The following TBCE variants were observed in gnomAD, a reference collection of about 807,000 sequenced individuals.
The protein encoded by TBCE is tubulin folding cofactor E, also known as tubulin-specific chaperone E.
In TBCE, 53 loss-of-function variants were observed where a neutral mutation model predicts 77.0. That is an observed-to-expected ratio of 0.69 (90% CI 0.55 to 0.87). TBCE has a LOEUF of 0.87. Among genes scored for constraint, TBCE ranks in the 40% least tolerant of loss-of-function variants. The pLI is 0.00. For missense variants in TBCE, 624 were observed against 622.4 expected (o/e 1.00, Z -0.03); for synonymous variants, 235 against 241.3 (o/e 0.97, Z 0.24).
intron 16 of TBCE, 22 bp downstream of exon 16, chr1:235,448,462 A>C: frequency 1.2e-6 from 2 of 1,605,706 alleles, no homozygotes; most frequent in Non-Finnish European, 1.7e-6. Context: ...AGCAAAATAC[A>C]AAGTCAAAGT....
chr1:235,386,082 G>C (rs1047180526), intron 2 of TBCE, among the ~76,000 whole-genome samples: 2 of 152,134 alleles, frequency 1.3e-5, no homozygotes, highest in African/African-American at 2.4e-5. Context: ...ATGAAGCTTA[G>C]TTTGGCTGGA....
At chr1:235,387,452 C>G (rs1020619809) in intron 2 of TBCE, among the ~76,000 whole-genome samples, 2 of 152,196 alleles carry the variant, frequency 1.3e-5, no homozygotes, top group Non-Finnish European at 2.9e-5. Flanking sequence ...TGGGCTCCAC[C>G]CAGTTCGAGC....
At chr1:235,369,356 A>C (rs1187184539) in intron 1 of TBCE, among the ~76,000 whole-genome samples, 1 of 151,424 alleles carries the variant, frequency 6.6e-6, no homozygotes, top group South Asian at 2.1e-4. Flanking sequence ...AAAATACAAA[A>C]ATTAGCCGGG....
intron 2 of TBCE, among the ~76,000 whole-genome samples, chr1:235,380,615 A>G (rs1361208910): frequency 4.6e-5 from 7 of 151,736 alleles, no homozygotes; most frequent in Non-Finnish European, 1.5e-5. Flanking sequence ...CTACAGCATT[A>G]TTTTGCAATA....
At chr1:235,412,287 A>G (rs1049794266) in intron 3 of TBCE, among the ~76,000 whole-genome samples, 3 of 82,704 alleles carry the variant, frequency 3.6e-5, no homozygotes, top group African/African-American at 1.4e-4. Flanking sequence ...CTAGAGTGCA[A>G]TGATGTGATC....
At chr1:235,426,027 G>A (rs1371095647) in intron 5 of TBCE, among the ~76,000 whole-genome samples, 1 of 152,182 alleles carries the variant, frequency 6.6e-6, no homozygotes, top group Non-Finnish European at 1.5e-5. Context: ...TGCTCACTGC[G>A]ATGCTCCTGG....
intron 2 of TBCE, among the ~76,000 whole-genome samples, chr1:235,383,896 G>A (rs1677834417): frequency 6.6e-6 from 1 of 152,050 alleles, no homozygotes; most frequent in Non-Finnish European, 1.5e-5. Flanking sequence ...TCTTGTGCCA[G>A]TTTTCAAAGG....
At chr1:235,432,997 G>T (rs768605241) in intron 7 of TBCE, 5 of 1,507,684 alleles carry the variant, frequency 3.3e-6, no homozygotes, top group Non-Finnish European at 3.5e-6. Flanking sequence ...GCAGAAAGAC[G>T]CCAGCAAGTT....
At position 235,451,585 on chromosome 1, in the gene TBCE, C is replaced by T. The variant is rs547816069; in HGVS notation, c.*2823C>T. The T allele has an allele frequency of 6.6e-6, 1 of 151,768 alleles. No individual in the cohort carries two copies. Among genetic ancestry groups the T allele is most frequent in the Admixed American group, 6.6e-5 (1 of 15,222 alleles). The allele number at this position is 151,768 out of a possible 1,614,324, so 9.4% of individuals were successfully genotyped here. On this transcript the variant is annotated 3_prime_UTR_variant, in exon 17 of 17. Transcript: ENST00000642610. ...GCAAAGACTACAGATCCCAGAATTA[C>T]CAGATACAAAAAAGAATTATATTCA... is the stretch of plus-strand genomic sequence containing the variant.
rs189360221 is a variant in TBCE at position 235,372,066 on chromosome 1, C to T, written c.-32+4562C>T. On this transcript the variant is annotated intron_variant, in intron 1 of 16. Coordinates refer to ENST00000642610, the MANE Select transcript of TBCE (RefSeq NM_003193.5). ...GTGTGATCAGGGCTCACTGCAGCCT[C>T]GAACTCCTGGGCTCAGGTCATCCTC... 2.5e-3 allele frequency among the ~76,000 whole-genome samples: 382 copies of T among 152,212 alleles called. 2 individuals carry two copies. The Middle Eastern group carries it at 0.027, about 11-fold the overall frequency.
Position 235,450,238 on chromosome 1 carries a change from A to G in TBCE, c.*1476A>G. On this transcript the variant is annotated 3_prime_UTR_variant, in exon 17 of 17. Coordinates refer to ENST00000642610, the MANE Select transcript of TBCE (RefSeq NM_003193.5). ...GCTTGACATCGACAAGGATCACCGCACCGTTCCTTCAGTTTCCACAGTTCC... is the reference window on the plus strand; with the variant it reads ...GCTTGACATCGACAAGGATCACCGCGCCGTTCCTTCAGTTTCCACAGTTCC... 5 of 1,614,044 alleles carry G rather than the reference A, an allele frequency of 3.1e-6. No homozygotes were observed. The highest frequency in any genetic ancestry group is 4.2e-6 in the Non-Finnish European group (5 of 1,179,980).
At chr1:235,404,404 A>G (rs1176289357) in intron 3 of TBCE, among the ~76,000 whole-genome samples, 1 of 152,046 alleles carries the variant, frequency 6.6e-6, no homozygotes, top group African/African-American at 2.4e-5. Flanking sequence ...CCTAGGCAAC[A>G]CAATGAGATC....
intron 3 of TBCE, among the ~76,000 whole-genome samples, chr1:235,407,756 C>T (rs914153941): frequency 2.6e-5 from 4 of 152,166 alleles, no homozygotes; most frequent in Admixed American, 1.3e-4. Context: ...GCCAGTCACC[C>T]GTGTCCTTCC....
At chr1:235,367,938 C>T (rs1676643761) in intron 1 of TBCE, among the ~76,000 whole-genome samples, 1 of 152,268 alleles carries the variant, frequency 6.6e-6, no homozygotes, top group South Asian at 2.1e-4. Context: ...TGCTCTGTCG[C>T]CCAGGCTGGA....
At chr1:235,372,976 A>G (rs1273073162) in intron 1 of TBCE, among the ~76,000 whole-genome samples, 2 of 151,578 alleles carry the variant, frequency 1.3e-5, no homozygotes, top group East Asian at 1.9e-4. Context: ...TTGTGGTATC[A>G]TACTTGGATA....
chr1:235,426,602 T>G (rs1461928968), intron 5 of TBCE, among the ~76,000 whole-genome samples: 1 of 152,220 alleles, frequency 6.6e-6, no homozygotes, highest in Non-Finnish European at 1.5e-5. Context: ...GTCATTTGAT[T>G]GTAGATGTTT....
chr1:235,378,912 G>A (rs1024456600), intron 1 of TBCE, among the ~76,000 whole-genome samples: 2 of 152,092 alleles, frequency 1.3e-5, no homozygotes, highest in African/African-American at 4.8e-5. Flanking sequence ...TGAAGGTTTG[G>A]AAATTAACCA....
At chr1:235,385,014 G>A (rs1185581751) in intron 2 of TBCE, among the ~76,000 whole-genome samples, 1 of 151,898 alleles carries the variant, frequency 6.6e-6, no homozygotes, top group African/African-American at 2.4e-5. Context: ...CTGGTATGTT[G>A]TGTCTTTGTT....
intron 3 of TBCE, among the ~76,000 whole-genome samples, chr1:235,413,675 GA>G (rs1343321647): frequency 7.5e-5 from 11 of 146,704 alleles, no homozygotes; most frequent in Admixed American, 1.4e-4. Context: ...AAAAAAAAAA[GA>G]AAAAAAGTAA....
Sources: allele counts gnomAD v4.1 joint callset (sites outside exome capture counted in the v4.1 genomes callset), GRCh38; gene constraint gnomAD v4.1.1; transcripts MANE v1.5; gene names NCBI Gene and HGNC (gene_info 2026-07-23, HGNC 2026-07-21).